Variants in PCDHA6 observed in about 807,000 individuals in gnomAD.
The protein encoded by PCDHA6 is protocadherin alpha 6.
PCDHA6 carries 55 observed loss-of-function variants against 60.3 expected under a neutral mutation model. The ratio of observed to expected loss-of-function variants is 0.91; its 90% CI spans 0.73 to 1.14. The LOEUF is 1.14. Ranked by LOEUF, PCDHA6 falls within the 50% of genes most tolerant of loss-of-function variation. The pLI, the probability that PCDHA6 is intolerant of heterozygous loss-of-function variation, is 0.00. For synonymous variants in PCDHA6, 652 were observed against 557.9 expected, an observed-to-expected ratio of 1.17 and a Z score of -2.38; for missense variants, 1,327 against 1,256.5, an observed-to-expected ratio of 1.06 and a Z score of -0.85.
intron 1 of PCDHA6, among the ~76,000 whole-genome samples, chr5:140,903,649 T>C (rs1335268583): frequency 6.6e-6 from 1 of 152,236 alleles, no homozygotes; most frequent in Non-Finnish European, 1.5e-5. Context: ...CATATACATA[T>C]ATTATAAATT....
chr5:140,843,319 G>A lies in PCDHA6; in HGVS notation c.2394+12834G>A, dbSNP rs1554139952. On this transcript the variant is annotated intron_variant, in intron 1 of 3. Coordinates refer to ENST00000529310, the MANE Select transcript of PCDHA6 (RefSeq NM_018909.4). The stretch of plus-strand genomic sequence containing the variant: ...CGCTGACCGCCACGGCCACGGTTCT[G>A]GTGTCGCTGGTGGAGAGCGGCCAGG... The A allele has an allele frequency of 5.6e-6, 9 of 1,595,928 alleles. 2 individuals carry two copies. In the African/African-American group the frequency reaches 1.2e-4, roughly 21 times the overall value.
Position 140,889,022 on chromosome 5 carries a change from G to A in PCDHA6, c.2394+58537G>A, listed in dbSNP as rs183317307. Among the ~76,000 whole-genome samples the A allele has an allele frequency of 5.5e-3, 837 of 151,922 alleles. 11 individuals are homozygous for A. The highest frequency in any genetic ancestry group is 0.019 in the African/African-American group (781 of 41,426). ...TGGCAAACCAACCTCTACTTCCTTG[G>A]ATAACCGTAATTTGATTATAATTTA... On this transcript the variant is annotated intron_variant, in intron 1 of 3. Coordinates refer to ENST00000529310, the MANE Select transcript of PCDHA6 (RefSeq NM_018909.4).
intron 3 of PCDHA6, among the ~76,000 whole-genome samples, chr5:141,000,764 A>G (rs1371396511): frequency 2.0e-5 from 3 of 151,808 alleles, no homozygotes; most frequent in Non-Finnish European, 4.4e-5. Context: ...AATCTTAGCC[A>G]GGCATAGTGG....
chr5:140,912,227 C>T (rs1422799663), intron 1 of PCDHA6, among the ~76,000 whole-genome samples: 1 of 151,784 alleles, frequency 6.6e-6, no homozygotes, highest in Non-Finnish European at 1.5e-5. Flanking sequence ...TTTCCCAGTC[C>T]ACTGACTCAA....
At chr5:140,855,836 A>T in intron 1 of PCDHA6, 3 of 600,200 alleles carry the variant, frequency 5.0e-6, no homozygotes, top group Non-Finnish European at 2.9e-6. Flanking sequence ...AATCGTACTT[A>T]CACCTAAAGC....
At chr5:140,987,544 A>G (rs1316604535) in intron 3 of PCDHA6, among the ~76,000 whole-genome samples, 1 of 152,180 alleles carries the variant, frequency 6.6e-6, no homozygotes, top group Non-Finnish European at 1.5e-5. Context: ...CCATTACTTA[A>G]CTTTCCTGAT....
At chr5:140,911,474 C>T (rs782702993) in intron 1 of PCDHA6, among the ~76,000 whole-genome samples, 45 of 152,144 alleles carry the variant, frequency 3.0e-4, no homozygotes, top group Non-Finnish European at 2.8e-4. Flanking sequence ...ATAAGACTCT[C>T]ACTCAGGGCA....
intron 1 of PCDHA6, chr5:140,876,792 A>T: frequency 6.2e-7 from 1 of 1,614,116 alleles, no homozygotes; most frequent in Non-Finnish European, 8.5e-7. Context: ...CCACGGCTAG[A>T]GTGTCCGTGG....
rs782793834 is a variant in PCDHA6, at chr5:140,830,423, C to G, written c.2332C>G (p.Pro778Ala). ...CATGGCCTTTAGCCCCAGCCTTTCA[C>G]CTTGTCCTATTATGATGGGTAAGGC... ...DLMAFSPSLS[P>A]CPIMMGKAEN... Residue 778 changes from proline to alanine, a missense_variant, in exon 1 of 4, where the codon CCT (proline) becomes GCT (alanine). Physicochemically the swap from Pro to Ala is conservative, Grantham distance 27. Coordinates refer to ENST00000529310, the MANE Select transcript of PCDHA6 (RefSeq NM_018909.4). 1 of 1,613,982 alleles carries G rather than the reference C, an allele frequency of 6.2e-7. No homozygotes were observed. Among genetic ancestry groups the G allele is most frequent in the East Asian group, 2.2e-5 (1 of 44,874 alleles).
chr5:140,902,798 T>C (rs1554190660), intron 1 of PCDHA6, among the ~76,000 whole-genome samples: 1 of 152,156 alleles, frequency 6.6e-6, no homozygotes, highest in Admixed American at 6.5e-5. Context: ...CACTTGTATG[T>C]GAGAATATAC....
chr5:140,923,333 T>C lies in PCDHA6; in HGVS notation c.2395-55616T>C, dbSNP rs180734722. Among the ~76,000 whole-genome samples the C allele has an allele frequency of 8.0e-3, 1,225 of 152,228 alleles. 6 individuals are homozygous for C. The highest frequency in any genetic ancestry group is 0.019 in the African/African-American group (792 of 41,544). On this transcript the variant is annotated intron_variant, in intron 1 of 3. Coordinates refer to ENST00000529310, the MANE Select transcript of PCDHA6 (RefSeq NM_018909.4). ...CTTGGCCTAGAAGTTCAAGGACAGT[T>C]TGGGCAACATAGTGGGACCCTATCT...
At chr5:140,979,868 C>T (rs1554241158) in intron 2 of PCDHA6, among the ~76,000 whole-genome samples, 1 of 152,160 alleles carries the variant, frequency 6.6e-6, no homozygotes. Context: ...AATATCTGGG[C>T]AACTATCAAG....
At chr5:140,990,740 G>A (rs76434886) in intron 3 of PCDHA6, among the ~76,000 whole-genome samples, 1 of 152,170 alleles carries the variant, frequency 6.6e-6, no homozygotes, top group African/African-American at 2.4e-5. Flanking sequence ...AACAGCCCTA[G>A]GGTGGATACC....
intron 1 of PCDHA6, chr5:140,863,094 G>A (rs782437357): frequency 8.7e-6 from 5 of 576,444 alleles, no homozygotes; most frequent in African/African-American, 3.7e-5. Flanking sequence ...TCAGCACGAC[G>A]AGTACCCTGG....
At chr5:140,895,691 T>C (rs571770501) in intron 1 of PCDHA6, among the ~76,000 whole-genome samples, 3 of 152,322 alleles carry the variant, frequency 2.0e-5, no homozygotes, top group South Asian at 4.1e-4. Flanking sequence ...TCTGTTTCTA[T>C]ATTAATTCAC....
At chr5:140,968,626 T>C in intron 1 of PCDHA6, 1 of 1,614,156 alleles carries the variant, frequency 6.2e-7, no homozygotes. Context: ...ATGCTTGGCT[T>C]TTTTACCATC....
chr5:141,010,031 A>G lies in PCDHA6; in HGVS notation c.*94A>G, dbSNP rs113710382. The stretch of plus-strand genomic sequence containing the variant: ...TTCCCTGCTCCTTTTTCCTATCTAC[A>G]TGAGCCCTCTTAGAGACCTCAGAAA... On this transcript the variant is annotated 3_prime_UTR_variant, in exon 4 of 4. Transcript: ENST00000529310. 1.9e-6 allele frequency: 3 copies of G among 1,581,690 alleles called. No individual in the cohort carries two copies. The highest frequency in any genetic ancestry group is 2.6e-6 in the Non-Finnish European group (3 of 1,166,446).
chr5:140,985,389 C>T (rs1376347712), intron 3 of PCDHA6, among the ~76,000 whole-genome samples: 1 of 152,266 alleles, frequency 6.6e-6, no homozygotes, highest in African/African-American at 2.4e-5. Context: ...AATCCAGTCA[C>T]CCCAACTGTT....
chr5:140,919,981 T>TA (rs869118855), intron 1 of PCDHA6, among the ~76,000 whole-genome samples: 2 of 133,388 alleles, frequency 1.5e-5, no homozygotes, highest in Admixed American at 7.6e-5. Flanking sequence ...AGATAGAAGA[T>TA]GGAAAACAGA....
Sources: gnomAD v4.1 joint callset for allele counts (sites outside exome capture counted in the v4.1 genomes callset) on GRCh38, gnomAD v4.1.1 for gene constraint, MANE v1.5 for transcripts, NCBI Gene and HGNC (gene_info 2026-07-23, HGNC 2026-07-21) for gene names.